CDC42BPA: variants seen among roughly 807,000 people sequenced by gnomAD.
CDC42BPA encodes the protein serine/threonine-protein kinase MRCK alpha.
In CDC42BPA, 80 loss-of-function variants were observed where a neutral mutation model predicts 223.5. That is an observed-to-expected ratio of 0.36 (90% CI 0.30 to 0.43). The LOEUF (loss-of-function observed/expected upper bound fraction) is 0.43, where lower values mean the gene tolerates loss of function less well. Ranked by LOEUF, CDC42BPA falls within the 20% of genes least tolerant of loss-of-function variation. The pLI, the probability that CDC42BPA is intolerant of heterozygous loss-of-function variation, is 1.00. For missense variants in CDC42BPA, 1,743 were observed against 2,099.9 expected, an observed-to-expected ratio of 0.83 and a Z score of 3.32; for synonymous variants, 694 against 718.6, an observed-to-expected ratio of 0.97 and a Z score of 0.55.
intron 2 of CDC42BPA, among the ~76,000 whole-genome samples, chr1:227,217,051 T>G (rs774978131): frequency 2.2e-4 from 34 of 152,196 alleles, no homozygotes; most frequent in Non-Finnish European, 2.6e-4. Context: ...TGTTCATTCT[T>G]AAGTTACAGG....
At chr1:227,264,232 A>C (rs1684596516) in intron 1 of CDC42BPA, among the ~76,000 whole-genome samples, 1 of 152,190 alleles carries the variant, frequency 6.6e-6, no homozygotes, top group African/African-American at 2.4e-5. Flanking sequence ...ATTTTTGGTC[A>C]AGTTAGTAGT....
chr1:227,011,323 G>A (rs781728988), intron 34 of CDC42BPA, among the ~76,000 whole-genome samples: 55 of 152,104 alleles, frequency 3.6e-4, no homozygotes, highest in Non-Finnish European at 6.0e-4. Context: ...GACTTTCAGA[G>A]ATACAAGACT....
intron 4 of CDC42BPA, among the ~76,000 whole-genome samples, chr1:227,198,763 T>TGG (rs1558739782): frequency 4.0e-5 from 6 of 151,802 alleles, no homozygotes; most frequent in Admixed American, 2.6e-4. Context: ...AAATGTGTTT[T>TGG]TTTTTTTTTG....
chr1:227,145,804 A>G, intron 7 of CDC42BPA, 67 bp from the exon 8 acceptor site: 1 of 1,266,308 alleles, frequency 7.9e-7, no homozygotes, highest in South Asian at 1.6e-5. Flanking sequence ...TGGTTGACTT[A>G]TTTATTTTCT....
chr1:227,182,132 A>G (rs997498492), intron 5 of CDC42BPA, among the ~76,000 whole-genome samples: 6 of 152,074 alleles, frequency 3.9e-5, no homozygotes, highest in Non-Finnish European at 7.4e-5. Context: ...GGCTACTCTT[A>G]ATCTATCCAG....
chr1:227,195,058 T>C (rs1397993042), intron 4 of CDC42BPA, among the ~76,000 whole-genome samples: 2 of 152,194 alleles, frequency 1.3e-5, no homozygotes, highest in African/African-American at 4.8e-5. Context: ...TATGTTAAAA[T>C]TACAAACATA....
chr1:227,119,754 C>T (rs477162), intron 12 of CDC42BPA, 50 bp downstream of exon 12: 61,964 of 1,246,682 alleles, frequency 0.05, 3,253 homozygotes, highest in East Asian at 0.27. Flanking sequence ...TCTTATTATA[C>T]AAGATTCAAA....
chr1:227,290,224 A>C (rs2148648440), intron 1 of CDC42BPA, among the ~76,000 whole-genome samples: 2 of 152,200 alleles, frequency 1.3e-5, no homozygotes, highest in East Asian at 3.9e-4. Context: ...TCCATCTAAA[A>C]TGCCCCCTTT....
At chr1:227,119,229 G>A (rs551591256) in intron 12 of CDC42BPA, among the ~76,000 whole-genome samples, 2 of 152,130 alleles carry the variant, frequency 1.3e-5, no homozygotes, top group Admixed American at 6.5e-5. Flanking sequence ...TTTCTCTAGT[G>A]CTTGAATATT....
chr1:227,293,674 A>C (rs1690101964), intron 1 of CDC42BPA, among the ~76,000 whole-genome samples: 1 of 152,014 alleles, frequency 6.6e-6, no homozygotes, highest in South Asian at 2.1e-4. Flanking sequence ...AAAAATACAA[A>C]ATCAGCCGGG....
intron 2 of CDC42BPA, among the ~76,000 whole-genome samples, chr1:227,215,043 A>G (rs1029508867): frequency 6.6e-6 from 1 of 152,210 alleles, no homozygotes; most frequent in Non-Finnish European, 1.5e-5. Context: ...TTAGTATAAA[A>G]ACAAACATGC....
chr1:226,994,305 G>A lies in CDC42BPA; in HGVS notation c.5228C>T (p.Ser1743Phe). ...PASPRKTKSL[S>F]LESTDRGSWD... Reference sequence around the variant, plus strand: ...GCTCCCGCGGTCAGTGCTCTCCAGGGAGAGGCTCTTGGTTTTTCGGGGTGA... The same window carrying A: ...GCTCCCGCGGTCAGTGCTCTCCAGGAAGAGGCTCTTGGTTTTTCGGGGTGA... Residue 1743 changes from serine (S) to phenylalanine (F), a missense_variant, in exon 37 of 37, where the codon TCC (serine) becomes TTC (phenylalanine). Physicochemically the swap from Ser to Phe is radical, Grantham distance 155. Coordinates refer to ENST00000366766, the MANE Select transcript of CDC42BPA (RefSeq NM_001394014.1). The surrounding 1 kb of genome is among the most constrained non-coding windows in gnomAD (Gnocchi z 4.0). 1 of 1,596,540 alleles carries A rather than the reference G, an allele frequency of 6.3e-7. No individual in the cohort carries two copies. Among genetic ancestry groups the A allele is most frequent in the Non-Finnish European group, 8.5e-7 (1 of 1,169,970 alleles).
intron 5 of CDC42BPA, among the ~76,000 whole-genome samples, chr1:227,179,936 G>A (rs777625328): frequency 6.6e-6 from 1 of 152,082 alleles, no homozygotes; most frequent in Non-Finnish European, 1.5e-5. Context: ...GACAGGATGC[G>A]GAGGTTCACG....
intron 17 of CDC42BPA, among the ~76,000 whole-genome samples, chr1:227,080,280 C>T (rs1680366819): frequency 6.6e-6 from 1 of 152,102 alleles, no homozygotes; most frequent in Admixed American, 6.5e-5. Context: ...ATTCTACTTT[C>T]CCCATGTATT....
At chr1:227,283,143 C>CT (rs1375363665) in intron 1 of CDC42BPA, among the ~76,000 whole-genome samples, 1 of 152,118 alleles carries the variant, frequency 6.6e-6, no homozygotes, top group East Asian at 1.9e-4. Context: ...CAGAACATCA[C>CT]TACTCTAAGG....
intron 2 of CDC42BPA, among the ~76,000 whole-genome samples, chr1:227,223,023 G>A (rs1558803241): frequency 6.6e-6 from 1 of 152,166 alleles, no homozygotes; most frequent in African/African-American, 2.4e-5. Context: ...ACAGGGAAAG[G>A]AGAGATAAAA....
chr1:227,030,803 G>T (rs1223467177), intron 28 of CDC42BPA, among the ~76,000 whole-genome samples: 3 of 152,118 alleles, frequency 2.0e-5, no homozygotes, highest in African/African-American at 7.2e-5. Flanking sequence ...GAACTTTTCA[G>T]TATTTATGGA....
At chr1:227,201,536 G>GA (rs1379211134) in intron 3 of CDC42BPA, among the ~76,000 whole-genome samples, 1 of 152,106 alleles carries the variant, frequency 6.6e-6, no homozygotes, top group Non-Finnish European at 1.5e-5. Flanking sequence ...ATAACTCTAA[G>GA]AAAGTAAAAG....
intron 1 of CDC42BPA, among the ~76,000 whole-genome samples, chr1:227,293,294 G>A (rs1028985996): frequency 6.6e-6 from 1 of 152,106 alleles, no homozygotes; most frequent in African/African-American, 2.4e-5. Flanking sequence ...CCAGAAAATA[G>A]TGACTATGGC....
Sources: allele counts gnomAD v4.1 joint callset (sites outside exome capture counted in the v4.1 genomes callset), GRCh38; gene constraint gnomAD v4.1.1; non-coding constraint Gnocchi (gnomAD v3.1); transcripts MANE v1.5; gene names NCBI Gene and HGNC (gene_info 2026-07-23, HGNC 2026-07-21).